TRHDE: variants seen among roughly 807,000 people sequenced by gnomAD.
TRHDE encodes thyrotropin releasing hormone degrading enzyme.
A neutral mutation model predicts 125.7 loss-of-function variants in TRHDE; 72 were observed. The observed-to-expected ratio is 0.57, with a 90% CI of 0.47 to 0.70. The LOEUF (loss-of-function observed/expected upper bound fraction) is 0.70. Ranked by LOEUF, TRHDE falls within the 30% of genes least tolerant of loss-of-function variation. The probability of loss-of-function intolerance (pLI) is 0.00; values close to 1 mark genes in which losing one functional copy is unlikely to be tolerated. For missense variants in TRHDE, 1,110 were observed against 1,327.1 expected (o/e 0.84, Z 2.54); for synonymous variants, 509 against 509.1 (o/e 1.00, Z 0.00).
At chr12:72,650,455 CTGTTACTTTTTTTTCT>C (rs1874460442) in intron 15 of TRHDE, among the ~76,000 whole-genome samples, 2 of 152,022 alleles carry the variant, frequency 1.3e-5, no homozygotes, top group South Asian at 4.1e-4. Flanking sequence ...TTAGTATATT[CTGTTACTTTTTTTTCT>C]ATATTTCTAC....
intron 1 of TRHDE, among the ~76,000 whole-genome samples, chr12:72,278,822 C>G (rs1879588577): frequency 6.6e-6 from 1 of 152,132 alleles, no homozygotes; most frequent in African/African-American, 2.4e-5. Flanking sequence ...TGTTTGATTT[C>G]ATTATATGTT....
At chr12:72,391,154 G>A (rs74539976) in intron 3 of TRHDE, among the ~76,000 whole-genome samples, 238 of 152,180 alleles carry the variant, frequency 1.6e-3, no homozygotes, top group African/African-American at 5.0e-3. Flanking sequence ...GAGGGGTTTA[G>A]GATTTGGAAT....
intron 3 of TRHDE, among the ~76,000 whole-genome samples, chr12:72,421,638 C>A (rs932079349): frequency 6.6e-6 from 1 of 152,104 alleles, no homozygotes; most frequent in Non-Finnish European, 1.5e-5. Context: ...AAAATCATGT[C>A]GTAAAAGACC....
At chr12:72,312,442 G>T (rs1868590721) in intron 2 of TRHDE, among the ~76,000 whole-genome samples, 1 of 152,082 alleles carries the variant, frequency 6.6e-6, no homozygotes, top group Non-Finnish European at 1.5e-5. Flanking sequence ...GTAAAGTAAT[G>T]ACCAGACCTT....
At chr12:72,517,568 AGTTTT>A (rs1251726575) in intron 6 of TRHDE, among the ~76,000 whole-genome samples, 2 of 151,590 alleles carry the variant, frequency 1.3e-5, no homozygotes, top group African/African-American at 4.9e-5. Context: ...GCGGTCTATC[AGTTTT>A]GTTGATCCTT....
At chr12:72,502,016 A>G (rs1878177401) in intron 6 of TRHDE, among the ~76,000 whole-genome samples, 1 of 152,034 alleles carries the variant, frequency 6.6e-6, no homozygotes, top group South Asian at 2.1e-4. Context: ...CTCTAATCAT[A>G]TAACCTCTTT....
intron 1 of TRHDE, among the ~76,000 whole-genome samples, chr12:72,100,358 G>A (rs1271619103): frequency 1.3e-5 from 2 of 152,136 alleles, no homozygotes; most frequent in Non-Finnish European, 2.9e-5. Context: ...TTATATTCCT[G>A]TTTTGGCCAC....
At chr12:72,292,320 G>A (rs1470772272) in intron 2 of TRHDE, among the ~76,000 whole-genome samples, 1 of 152,174 alleles carries the variant, frequency 6.6e-6, no homozygotes, top group African/African-American at 2.4e-5. Context: ...TTCTTACTAT[G>A]AGAATCATCT....
chr12:72,563,106 A>G, intron 9 of TRHDE, 66 bp downstream of exon 9: 1 of 1,178,502 alleles, frequency 8.5e-7, no homozygotes, highest in Non-Finnish European at 1.2e-6. Flanking sequence ...TTAATATTTC[A>G]AAGAGCATTA....
intron 3 of TRHDE, among the ~76,000 whole-genome samples, chr12:72,464,550 A>G (rs954100042): frequency 6.3e-4 from 96 of 152,328 alleles, no homozygotes; most frequent in African/African-American, 2.3e-3. Context: ...TTGGTAAAAC[A>G]AAACAACACA....
At chr12:72,336,599 C>T (rs1230989040) in intron 2 of TRHDE, among the ~76,000 whole-genome samples, 3 of 152,152 alleles carry the variant, frequency 2.0e-5, no homozygotes, top group African/African-American at 7.2e-5. Flanking sequence ...GGATAATTTA[C>T]AAACAGTAGA....
Position 72,273,207 on chromosome 12 carries a change from C to T in TRHDE, c.564C>T (p.Gly188=). ...CGTGGACGCAGCTGCGCCTGTCGGGCCACCTGAAGCCGCTGCACTACAATC... is the reference window on the plus strand; with the variant it reads ...CGTGGACGCAGCTGCGCCTGTCGGGTCACCTGAAGCCGCTGCACTACAATC... ...WEPWTQLRLS[G]HLKPLHYNLM... is the part of the protein sequence containing the mutation. Residue 188 remains glycine, a synonymous_variant, in exon 1 of 19, where the codon GGC becomes GGT. Transcript: ENST00000261180. This position sits in a 1 kb window ranked among gnomAD's most constrained non-coding sequence, Gnocchi z 5.3. 6.2e-7 allele frequency: 1 copy of T among 1,603,866 alleles called. No homozygotes were observed. Among genetic ancestry groups the T allele is most frequent in the East Asian group, 2.2e-5 (1 of 44,510 alleles).
At chr12:72,354,030 G>C (rs1870703905) in intron 2 of TRHDE, among the ~76,000 whole-genome samples, 1 of 151,510 alleles carries the variant, frequency 6.6e-6, no homozygotes, top group African/African-American at 2.4e-5. Context: ...AAGTACCATA[G>C]GTGTCCTTTT....
At chr12:72,278,542 T>G (rs1337336829) in intron 1 of TRHDE, among the ~76,000 whole-genome samples, 2 of 152,210 alleles carry the variant, frequency 1.3e-5, no homozygotes, top group Non-Finnish European at 2.9e-5. Flanking sequence ...CTGTACTAAT[T>G]TATAGTGTAC....
At position 72,272,746 on chromosome 12, in the gene TRHDE, G is replaced by C. The variant is rs984514920; in HGVS notation, c.103G>C (p.Ala35Pro). 6.0e-6 allele frequency: 9 copies of C among 1,495,328 alleles called. No individual in the cohort carries two copies. Among genetic ancestry groups the C allele is most frequent in the Non-Finnish European group, 8.1e-6 (9 of 1,116,730 alleles). The allele number at this position is 1,495,328 out of a possible 1,614,324, so 92.6% of individuals were successfully genotyped here. ...GGAGGAGGAGGAGGAGGAGGAGGGGGCCGAGAAGAGCAGCTCACCCTTCGC... is the reference window on the plus strand; with the variant it reads ...GGAGGAGGAGGAGGAGGAGGAGGGGCCCGAGAAGAGCAGCTCACCCTTCGC... ...KKEEEEEEEG[A>P]EKSSSPFAAA... The change falls in exon 1 of 19, where the codon GCC becomes CCC. Residue 35 changes from alanine (A) to proline (P), a missense_variant. Physicochemically the swap from Ala to Pro is conservative, Grantham distance 27 (BLOSUM62 -1). This residue lies in a region of TRHDE where 248 missense variants were observed against 240.8 expected (regional missense o/e 1.03). Transcript: ENST00000261180. This position sits in a 1 kb window ranked among gnomAD's most constrained non-coding sequence, Gnocchi z 6.7.
At chr12:72,283,849 C>T (rs970447857) in intron 1 of TRHDE, among the ~76,000 whole-genome samples, 1 of 151,722 alleles carries the variant, frequency 6.6e-6, no homozygotes, top group Non-Finnish European at 1.5e-5. Flanking sequence ...TAGAACTCTT[C>T]CCCTAGTATT....
intron 2 of TRHDE, among the ~76,000 whole-genome samples, chr12:72,318,872 C>T (rs1436106729): frequency 3.9e-5 from 6 of 151,962 alleles, no homozygotes; most frequent in East Asian, 1.9e-4. Context: ...GTTACTCTAT[C>T]GGACTGGGGG....
chr12:72,606,519 G>A (rs184438791), intron 12 of TRHDE, among the ~76,000 whole-genome samples: 15 of 152,232 alleles, frequency 9.9e-5, no homozygotes, highest in Admixed American at 9.2e-4. Context: ...TCACGATGAC[G>A]CTGGAAAGGA....
chr12:72,575,309 A>T lies in TRHDE; in HGVS notation c.2186A>T (p.Asn729Ile). 3 of 1,613,622 alleles carry T rather than the reference A, an allele frequency of 1.9e-6. No homozygotes were observed. The highest frequency in any genetic ancestry group is 2.5e-6 in the Non-Finnish European group (3 of 1,179,732). Reference sequence around the variant, plus strand: ...GGAAGCTGGCTGCTGGGGAACATCAATCAAACTGGCTATTTTAGAGTCAAC... The same window carrying T: ...GGAAGCTGGCTGCTGGGGAACATCATTCAAACTGGCTATTTTAGAGTCAAC... ...DKGSWLLGNI[N>I]QTGYFRVNYD... The change falls in exon 11 of 19, where the codon AAT becomes ATT. Residue 729 changes from asparagine (N) to isoleucine (I), a missense_variant. Coordinates refer to ENST00000261180, the MANE Select transcript of TRHDE (RefSeq NM_013381.3).
Sources: gnomAD v4.1 joint callset for allele counts (sites outside exome capture counted in the v4.1 genomes callset) on GRCh38, gnomAD v4.1.1 for gene constraint, gnomAD v4.1.1 regional missense constraint, Gnocchi (gnomAD v3.1) non-coding constraint, MANE v1.5 for transcripts, NCBI Gene and HGNC (gene_info 2026-07-23, HGNC 2026-07-21) for gene names.